MTURN: variants seen among roughly 807,000 people sequenced by gnomAD.
The protein encoded by MTURN is maturin.
A neutral mutation model predicts 14.9 loss-of-function variants in MTURN; 7 were observed. The ratio of observed to expected loss-of-function variants is 0.47; its 90% CI spans 0.27 to 0.88. The LOEUF (loss-of-function observed/expected upper bound fraction) is 0.88. Among genes scored for constraint, MTURN ranks in the 40% least tolerant of loss-of-function variants. The pLI, the probability that MTURN is intolerant of heterozygous loss-of-function variation, is 0.14. For synonymous variants in MTURN, 69 were observed against 72.5 expected (o/e 0.95, Z 0.25); for missense variants, 151 against 174.1 (o/e 0.87, Z 0.75).
intron 2 of MTURN, among the ~76,000 whole-genome samples, chr7:30,147,295 G>A (rs960743286): frequency 6.6e-6 from 1 of 152,222 alleles, no homozygotes; most frequent in Admixed American, 6.5e-5. Flanking sequence ...GGAATAAAGT[G>A]AGGCCTGAGA....
intron 2 of MTURN, among the ~76,000 whole-genome samples, 191 bp from the exon 3 acceptor site, chr7:30,157,247 G>A (rs1382852801): frequency 2.0e-5 from 3 of 152,142 alleles, no homozygotes; most frequent in African/African-American, 4.8e-5. Context: ...AGCCCTTTGG[G>A]CACTAATCCA....
At chr7:30,152,548 AAGG>A (rs1318324065) in intron 2 of MTURN, among the ~76,000 whole-genome samples, 4 of 152,158 alleles carry the variant, frequency 2.6e-5, no homozygotes, top group East Asian at 1.9e-4. Flanking sequence ...ACACATAGTG[AAGG>A]AGAAGAGAGA....
At chr7:30,138,502 A>G (rs1797001002) in intron 1 of MTURN, among the ~76,000 whole-genome samples, 1 of 152,144 alleles carries the variant, frequency 6.6e-6, no homozygotes, top group African/African-American at 2.4e-5. Flanking sequence ...TATCTAAAGT[A>G]GGGGCAGCTT....
chr7:30,138,414 C>T (rs1340796922), intron 1 of MTURN, among the ~76,000 whole-genome samples: 1 of 152,142 alleles, frequency 6.6e-6, no homozygotes, highest in Non-Finnish European at 1.5e-5. Flanking sequence ...TGCACCTGGC[C>T]TCTATGCCAT....
intron 1 of MTURN, among the ~76,000 whole-genome samples, chr7:30,143,027 GT>G (rs1554284952): frequency 6.6e-6 from 1 of 152,142 alleles, no homozygotes; most frequent in Non-Finnish European, 1.5e-5. Context: ...ATTTGTCTTT[GT>G]ACAGGACTAA....
chr7:30,146,700 G>A (rs1254837351), intron 2 of MTURN, among the ~76,000 whole-genome samples: 1 of 152,140 alleles, frequency 6.6e-6, no homozygotes, highest in Non-Finnish European at 1.5e-5. Context: ...CTGTATACAG[G>A]TTATATTAAT....
intron 1 of MTURN, among the ~76,000 whole-genome samples, chr7:30,143,753 TTGTGGTGTGAACAATCTCTTCA>T (rs781303686): frequency 6.6e-6 from 1 of 152,176 alleles, no homozygotes; most frequent in Non-Finnish European, 1.5e-5. Context: ...GTAATGGAAA[TTGTGGTGTGAACAATCTCTTCA>T]TGAGGTTAGA....
At chr7:30,146,941 T>C (rs939456255) in intron 2 of MTURN, among the ~76,000 whole-genome samples, 9 of 152,220 alleles carry the variant, frequency 5.9e-5, no homozygotes, top group African/African-American at 1.4e-4. Flanking sequence ...TTATCTTCAT[T>C]GGAAGATAAA....
At chr7:30,151,380 T>A (rs1562570393) in intron 2 of MTURN, among the ~76,000 whole-genome samples, 1 of 152,214 alleles carries the variant, frequency 6.6e-6, no homozygotes, top group Non-Finnish European at 1.5e-5. Context: ...TGACAGTTGC[T>A]GGTCATACAC....
At position 30,135,089 on chromosome 7, in the gene MTURN, C is replaced by G. The variant is rs1290718924; in HGVS notation, c.-48C>G. 12 of 1,365,812 alleles carry G rather than the reference C, an allele frequency of 8.8e-6. No homozygotes were observed. In the African/African-American group the frequency reaches 1.9e-4, roughly 21 times the overall value. The allele number at this position is 1,365,812 out of a possible 1,614,324, so 84.6% of individuals were successfully genotyped here. ...CGCTGCCCGCCCGGGAGGAGGGCGC[C>G]TAGGAGCGGGAGGGCGGGCGGCGGC... is the stretch of plus-strand genomic sequence containing the variant. On this transcript the variant is annotated 5_prime_UTR_variant, in exon 1 of 3. Transcript: ENST00000324453.
chr7:30,138,203 C>T (rs537142950), intron 1 of MTURN, among the ~76,000 whole-genome samples: 60 of 152,256 alleles, frequency 3.9e-4, no homozygotes, highest in African/African-American at 1.4e-3. Context: ...GCACCCTCTG[C>T]CTCCCGGGTT....
intron 1 of MTURN, among the ~76,000 whole-genome samples, chr7:30,136,551 G>T (rs1472840335): frequency 2.0e-5 from 3 of 152,176 alleles, no homozygotes; most frequent in Admixed American, 1.3e-4. Flanking sequence ...CGGGAAGTTC[G>T]CGAAGGAGTT....
rs935547132 is a variant in MTURN, at chr7:30,135,044, G to A, written c.-93G>A. On this transcript the variant is annotated 5_prime_UTR_variant, in exon 1 of 3. Coordinates refer to ENST00000324453, the MANE Select transcript of MTURN (RefSeq NM_152793.3). The stretch of plus-strand genomic sequence containing the variant: ...CCAGCCCGGCCCCGGAGGAGCCCGC[G>A]CAGGCCGAGCCGAGCGCCGCGCTGC... 3 of 1,084,010 alleles carry A rather than the reference G, an allele frequency of 2.8e-6. No individual in the cohort carries two copies. The Admixed American group carries it at 1.6e-4, about 57-fold the overall frequency. The allele number at this position is 1,084,010 out of a possible 1,614,324, so 67.1% of individuals were successfully genotyped here.
intron 1 of MTURN, chr7:30,137,839 A>C (rs1275831163): frequency 3.7e-5 from 13 of 353,028 alleles, no homozygotes; most frequent in Non-Finnish European, 1.7e-5. Context: ...GAATGTCTAC[A>C]TGAGCATTTC....
At position 30,159,417 on chromosome 7, in the gene MTURN, C is replaced by T. The variant is rs114174859; in HGVS notation, c.*1869C>T. ...TTCTGCAAGTGAAATGAGGAAGCTT[C>T]ACTAGCTTGCTCCATTGGAAGGTAA... On this transcript the variant is annotated 3_prime_UTR_variant, in exon 3 of 3. Transcript: ENST00000324453. 6.6e-6 allele frequency: 1 copy of T among 152,180 alleles called. No individual in the cohort carries two copies. The highest frequency in any genetic ancestry group is 1.5e-5 in the Non-Finnish European group (1 of 68,026). 9.4% of individuals were successfully genotyped at this position (152,180 alleles called of 1,614,324 possible).
intron 1 of MTURN, 32 bp from the exon 2 acceptor site, chr7:30,146,145 G>C (rs776040552): frequency 6.2e-7 from 1 of 1,613,110 alleles, no homozygotes; most frequent in Non-Finnish European, 8.5e-7. Context: ...GTGTGTCTTT[G>C]TTTTCTCCTT....
At chr7:30,136,044 C>G (rs1443863443) in intron 1 of MTURN, among the ~76,000 whole-genome samples, 1 of 152,268 alleles carries the variant, frequency 6.6e-6, no homozygotes, top group African/African-American at 2.4e-5. Context: ...CGCCTCTCCC[C>G]CTGCCCCCGC....
intron 2 of MTURN, among the ~76,000 whole-genome samples, chr7:30,149,266 T>A (rs1279186967): frequency 6.6e-6 from 1 of 152,226 alleles, no homozygotes; most frequent in East Asian, 1.9e-4. Flanking sequence ...AGCTTTGGTG[T>A]GCTGTTGCTG....
chr7:30,155,288 G>A (rs1797270397), intron 2 of MTURN, among the ~76,000 whole-genome samples: 1 of 152,060 alleles, frequency 6.6e-6, no homozygotes, highest in Admixed American at 6.5e-5. Flanking sequence ...ATATTGTTTA[G>A]GTAATTTTGG....
Sources: gnomAD v4.1 joint callset for allele counts (sites outside exome capture counted in the v4.1 genomes callset) on GRCh38, gnomAD v4.1.1 for gene constraint, MANE v1.5 for transcripts, NCBI Gene and HGNC (gene_info 2026-07-23, HGNC 2026-07-21) for gene names.